Variants in OC90 observed in about 807,000 individuals in gnomAD.
The protein encoded by OC90 is otoconin 90, also known as otoconin-90.
OC90 carries 46 observed loss-of-function variants against 47.3 expected under a neutral mutation model. The observed-to-expected ratio is 0.97, with a 90% confidence interval of 0.77 to 1.24. The LOEUF (loss-of-function observed/expected upper bound fraction) is 1.24. Among genes scored for constraint, OC90 ranks in the 50% most tolerant of loss-of-function variants. OC90 has a pLI of 0.00. For missense variants in OC90, 688 were observed against 583.9 expected (o/e 1.18, Z -1.84); for synonymous variants, 271 against 219.5 (o/e 1.23, Z -2.07).
At chr8:132,038,385 G>T (rs993171326) in intron 8 of OC90, among the ~76,000 whole-genome samples, 2 of 152,156 alleles carry the variant, frequency 1.3e-5, no homozygotes, top group Non-Finnish European at 2.9e-5. Flanking sequence ...GAGGTAGTGG[G>T]TCTGCTCCTG....
chr8:132,041,433 G>C, intron 5 of OC90, 92 bp downstream of exon 5: 5 of 1,177,606 alleles, frequency 4.2e-6, no homozygotes, highest in Non-Finnish European at 4.8e-6. Context: ...AAGTCCAGGG[G>C]CTTTTCTGTA....
chr8:132,033,004 C>A, intron 11 of OC90, 35 bp downstream of exon 11: 1 of 1,597,102 alleles, frequency 6.3e-7, no homozygotes. Context: ...CAAAAGATCC[C>A]AGCAGCGGAG....
In OC90 at chr8:132,024,433, G is replaced by C. The variant is rs1264037416; in HGVS notation, c.*48C>G. 3 of 1,381,970 alleles carry C rather than the reference G, an allele frequency of 2.2e-6. No homozygotes were observed. In the East Asian group the frequency reaches 7.0e-5, roughly 32 times the overall value. 85.6% of individuals were successfully genotyped at this position (1,381,970 alleles called of 1,614,324 possible). A position where few individuals can be genotyped will look rare whatever the true frequency, so the allele number is the denominator to read the frequency against. ...GGCTGAGAGATAAAGAGCTGAAGGT[G>C]GAGCAGGAGCCACGCTACTGAAGGT... On this transcript the variant is annotated 3_prime_UTR_variant, in exon 14 of 14. Coordinates refer to ENST00000254627, the MANE Select transcript of OC90 (RefSeq NM_001080399.3).
intron 4 of OC90, among the ~76,000 whole-genome samples, chr8:132,043,278 C>G (rs1823080109): frequency 6.6e-6 from 1 of 152,214 alleles, no homozygotes; most frequent in South Asian, 2.1e-4. Flanking sequence ...TTTGTTTTGT[C>G]TGTTGTCCCA....
chr8:132,053,567 T>G (rs990699434), intron 2 of OC90, among the ~76,000 whole-genome samples: 1 of 152,218 alleles, frequency 6.6e-6, no homozygotes, highest in Non-Finnish European at 1.5e-5. Flanking sequence ...TGGGATTTCA[T>G]GGTATTATGT....
chr8:132,057,540 G>A (rs1165104470), intron 1 of OC90, among the ~76,000 whole-genome samples: 1 of 152,178 alleles, frequency 6.6e-6, no homozygotes, highest in Admixed American at 6.5e-5. Context: ...TTTCAGTAGG[G>A]GAAGATGAAA....
intron 1 of OC90, among the ~76,000 whole-genome samples, chr8:132,057,370 G>C (rs951013075): frequency 6.6e-6 from 1 of 152,126 alleles, no homozygotes; most frequent in Non-Finnish European, 1.5e-5. Context: ...CAGATAAGAC[G>C]GCCTGAAGGT....
chr8:132,032,660 G>A (rs545227835), intron 11 of OC90, among the ~76,000 whole-genome samples: 1 of 152,338 alleles, frequency 6.6e-6, no homozygotes, highest in East Asian at 1.9e-4. Flanking sequence ...AGGTGCAGGG[G>A]CTTTTTTAAG....
chr8:132,040,589 C>T (rs759460594), intron 6 of OC90, among the ~76,000 whole-genome samples: 18 of 152,178 alleles, frequency 1.2e-4, no homozygotes, highest in Non-Finnish European at 1.2e-4. Context: ...TCCACCTCCA[C>T]GTCCATCTCT....
chr8:132,052,920 ACG>A (rs1236745991), intron 2 of OC90, among the ~76,000 whole-genome samples: 6 of 133,204 alleles, frequency 4.5e-5, no homozygotes, highest in African/African-American at 8.0e-5. Flanking sequence ...CTCACCCGGT[ACG>A]TACGGCTTTC....
chr8:132,026,813 A>T (rs190448571), intron 13 of OC90, among the ~76,000 whole-genome samples: 54 of 152,208 alleles, frequency 3.5e-4, no homozygotes, highest in African/African-American at 1.3e-3. Flanking sequence ...CTCATCCCCT[A>T]TAGGAAAAAA....
intron 9 of OC90, among the ~76,000 whole-genome samples, chr8:132,035,706 G>A (rs1047625180): frequency 1.3e-5 from 2 of 152,198 alleles, no homozygotes; most frequent in African/African-American, 4.8e-5. Flanking sequence ...CTAAACTGGG[G>A]CAGATTGTTC....
At position 132,024,752 on chromosome 8, in the gene OC90, T is replaced by C. The variant is rs772282866; in HGVS notation, c.1163A>G (p.Lys388Arg). 1 of 1,613,582 alleles carries C rather than the reference T, an allele frequency of 6.2e-7. No homozygotes were observed. The highest frequency in any genetic ancestry group is 1.1e-5 in the South Asian group (1 of 90,966). Reference protein sequence around the residue: ...PKCGGQSLCEKLLCACDQTAA... With the variant: ...PKCGGQSLCERLLCACDQTAA... Reference sequence around the variant, plus strand: ...CGTCTGGTCACAGGCACAGAGCAACTTCTCACACAGGCTTTGGCCCCCACC... The same window carrying C: ...CGTCTGGTCACAGGCACAGAGCAACCTCTCACACAGGCTTTGGCCCCCACC... Residue 388 changes from lysine (K) to arginine (R), a missense_variant, in exon 14 of 14, where the codon AAG (lysine) becomes AGG (arginine). Physicochemically the swap from Lys to Arg is conservative, Grantham distance 26. Coordinates refer to ENST00000254627, the MANE Select transcript of OC90 (RefSeq NM_001080399.3).
intron 8 of OC90, 50 bp from the exon 9 acceptor site, chr8:132,037,538 A>G: frequency 6.6e-7 from 1 of 1,507,598 alleles, no homozygotes; most frequent in South Asian, 1.2e-5. Context: ...CACAGTGTCA[A>G]AACCAAGCAC....
At position 132,024,726 on chromosome 8, in the gene OC90, C is replaced by T; in HGVS notation, c.1189G>A (p.Ala397Thr). The change falls in exon 14 of 14, where the codon GCA (alanine) becomes ACA (threonine). Residue 397 changes from alanine (A) to threonine (T), a missense_variant. Coordinates refer to ENST00000254627, the MANE Select transcript of OC90 (RefSeq NM_001080399.3). ...EKLLCACDQT[A>T]AECMTSASFN... ...GAGGCAGAGGTCATGCACTCAGCTG[C>T]CGTCTGGTCACAGGCACAGAGCAAC... The T allele has an allele frequency of 6.2e-7, 1 of 1,613,818 alleles. No homozygotes were observed. Among genetic ancestry groups the T allele is most frequent in the Non-Finnish European group, 8.5e-7 (1 of 1,179,790 alleles).
chr8:132,045,233 G>A (rs189093982), intron 3 of OC90, among the ~76,000 whole-genome samples: 3 of 152,160 alleles, frequency 2.0e-5, no homozygotes, highest in East Asian at 1.9e-4. Flanking sequence ...ATGGACTCAC[G>A]CATGAATAAT....
At chr8:132,031,493 G>A (rs531353790) in intron 12 of OC90, among the ~76,000 whole-genome samples, 59 of 152,306 alleles carry the variant, frequency 3.9e-4, no homozygotes, top group African/African-American at 1.2e-3. Context: ...ACCAAGTGGA[G>A]ACCTCAATTC....
intron 13 of OC90, among the ~76,000 whole-genome samples, chr8:132,027,890 T>C (rs894132112): frequency 2.0e-5 from 3 of 152,230 alleles, no homozygotes; most frequent in Non-Finnish European, 4.4e-5. Flanking sequence ...AACTCACTGG[T>C]GTGGTGAAGA....
intron 1 of OC90, among the ~76,000 whole-genome samples, chr8:132,058,218 G>T (rs1371911481): frequency 6.6e-6 from 1 of 152,210 alleles, no homozygotes. Context: ...GTGCACATTA[G>T]GGTACGTGGG....
Sources: gnomAD v4.1 joint callset for allele counts (sites outside exome capture counted in the v4.1 genomes callset) on GRCh38, gnomAD v4.1.1 for gene constraint, MANE v1.5 for transcripts, NCBI Gene and HGNC (gene_info 2026-07-23, HGNC 2026-07-21) for gene names.